VPS13A: variants seen among roughly 807,000 people sequenced by gnomAD.
VPS13A encodes intermembrane lipid transfer protein VPS13A.
In VPS13A, 264 loss-of-function variants were observed where a neutral mutation model predicts 390.9. That is an observed-to-expected ratio of 0.68 (90% CI 0.61 to 0.75). VPS13A has a LOEUF of 0.75. Among genes scored for constraint, VPS13A ranks in the 30% least tolerant of loss-of-function variants. The pLI is 0.00. For missense variants in VPS13A, 3,409 were observed against 3,733.9 expected, an observed-to-expected ratio of 0.91 and a Z score of 2.27; for synonymous variants, 1,231 against 1,227.1, an observed-to-expected ratio of 1.00 and a Z score of -0.07.
At chr9:77,184,011 TC>T (rs2131052091) in intron 1 of VPS13A, among the ~76,000 whole-genome samples, 1 of 152,354 alleles carries the variant, frequency 6.6e-6, no homozygotes, top group Admixed American at 6.5e-5. Context: ...GCTCATTTCC[TC>T]CTAAATACTT....
intron 51 of VPS13A, among the ~76,000 whole-genome samples, 200 bp downstream of exon 51, chr9:77,344,481 G>A (rs1236196807): frequency 6.6e-6 from 1 of 152,128 alleles, no homozygotes; most frequent in Non-Finnish European, 1.5e-5. Context: ...GTTGGGGCCG[G>A]GTGCGGTGGC....
chr9:77,249,363 C>G (rs1235817129), intron 20 of VPS13A, among the ~76,000 whole-genome samples: 2 of 149,716 alleles, frequency 1.3e-5, no homozygotes, highest in Non-Finnish European at 2.9e-5. Context: ...TATAATAGAG[C>G]ATAAGGTTAG....
chr9:77,323,813 C>T (rs1437293456), intron 45 of VPS13A, among the ~76,000 whole-genome samples: 2 of 152,134 alleles, frequency 1.3e-5, no homozygotes, highest in Non-Finnish European at 2.9e-5. Flanking sequence ...GTTTGACTTT[C>T]ATTCAGAAAA....
rs1830590622 is a variant in VPS13A at position 77,337,322 on chromosome 9, A to T, written c.6163A>T (p.Ile2055Phe). 6.2e-7 allele frequency: 1 copy of T among 1,613,114 alleles called. No homozygotes were observed. The highest frequency in any genetic ancestry group is 1.1e-5 in the South Asian group (1 of 90,976). ...GTGTGAAGGAATTGACTTTGAAGAG[A>T]TTATAAAAAATGATGGTGCTCTTCT... ...QMCEGIDFEE[I>F]IKNDGALLKK... is the part of the protein sequence containing the mutation. Residue 2055 changes from isoleucine (I) to phenylalanine (F), a missense_variant, in exon 47 of 72, where the codon ATT (isoleucine) becomes TTT (phenylalanine). This residue lies in a region of VPS13A where 2,717 missense variants were observed against 2,917.4 expected (regional missense o/e 0.93). Transcript: ENST00000360280.
At chr9:77,381,139 T>G (rs1380877398) in intron 67 of VPS13A, among the ~76,000 whole-genome samples, 2 of 152,162 alleles carry the variant, frequency 1.3e-5, no homozygotes, top group Non-Finnish European at 2.9e-5. Context: ...GTGGTATGTG[T>G]TTTTTGGTTT....
At position 77,220,088 on chromosome 9, in the gene VPS13A, T is replaced by G; in HGVS notation, c.882+7T>G. On this transcript the variant is annotated splice_region_variant and intron_variant, in intron 11 of 71. Coordinates refer to ENST00000360280, the MANE Select transcript of VPS13A (RefSeq NM_033305.3). Reference sequence around the variant, plus strand: ...TGAATTTAATAAACCACAGGTGATTTTCTTTAATATAATTTTCAATTGTGA... The same window carrying G: ...TGAATTTAATAAACCACAGGTGATTGTCTTTAATATAATTTTCAATTGTGA... 6.3e-7 allele frequency: 1 copy of G among 1,598,036 alleles called. No individual in the cohort carries two copies. Among genetic ancestry groups the G allele is most frequent in the South Asian group, 1.1e-5 (1 of 89,410 alleles).
chr9:77,366,793 C>T lies in VPS13A; in HGVS notation c.8392C>T (p.Leu2798=), dbSNP rs2131580311. 2 of 1,613,218 alleles carry T rather than the reference C, an allele frequency of 1.2e-6. No individual in the cohort carries two copies. The highest frequency in any genetic ancestry group is 3.3e-5 in the Admixed American group (2 of 59,994). ...EAKDSKQNGG[L]IPVHSLNLLL... ...TAAAGATTCAAAACAAAATGGAGGA[C>T]TGATTCCAGTTCATTCTTTAAATCT... The change falls in exon 61 of 72, where the codon CTG becomes TTG. Residue 2798 remains leucine (L), a synonymous_variant. Coordinates refer to ENST00000360280, the MANE Select transcript of VPS13A (RefSeq NM_033305.3).
chr9:77,193,664 T>C (rs376832843), intron 1 of VPS13A, among the ~76,000 whole-genome samples: 1 of 152,162 alleles, frequency 6.6e-6, no homozygotes, highest in South Asian at 2.1e-4. Context: ...ATAAGAACCA[T>C]TGCTGGGGAG....
intron 17 of VPS13A, among the ~76,000 whole-genome samples, chr9:77,229,158 A>C (rs1292622308): frequency 6.6e-6 from 1 of 151,992 alleles, no homozygotes; most frequent in Non-Finnish European, 1.5e-5. Flanking sequence ...GGCTCACTGC[A>C]GTCTCTGCTT....
intron 19 of VPS13A, among the ~76,000 whole-genome samples, chr9:77,242,306 A>G (rs55905941): frequency 0.08 from 12,131 of 152,170 alleles, 600 homozygotes; most frequent in East Asian, 0.12. Flanking sequence ...TCACATTTTG[A>G]TAAGACCTTC....
chr9:77,335,360 A>T (rs1830482713), intron 46 of VPS13A, among the ~76,000 whole-genome samples: 3 of 152,192 alleles, frequency 2.0e-5, no homozygotes, highest in African/African-American at 7.2e-5. Flanking sequence ...GACAAATGGG[A>T]TCTAATTAAA....
intron 59 of VPS13A, among the ~76,000 whole-genome samples, chr9:77,361,170 G>C (rs1201566534): frequency 2.0e-5 from 3 of 152,006 alleles, no homozygotes; most frequent in African/African-American, 7.2e-5. Flanking sequence ...TAAAAGATAG[G>C]GTTCAATGAC....
intron 5 of VPS13A, among the ~76,000 whole-genome samples, chr9:77,207,081 T>C (rs1468683027): frequency 1.3e-5 from 2 of 148,464 alleles, no homozygotes; most frequent in Admixed American, 6.7e-5. Flanking sequence ...ATAATATATA[T>C]ACATAGCTTT....
intron 5 of VPS13A, among the ~76,000 whole-genome samples, chr9:77,207,117 C>T (rs558419211): frequency 3.6e-5 from 5 of 140,024 alleles, no homozygotes; most frequent in African/African-American, 1.0e-4. Flanking sequence ...TTATAGTGTC[C>T]GGATTAAAAA....
intron 10 of VPS13A, among the ~76,000 whole-genome samples, chr9:77,215,186 A>C (rs1231613525): frequency 6.6e-6 from 1 of 152,218 alleles, no homozygotes; most frequent in Non-Finnish European, 1.5e-5. Context: ...TGATAAGGGC[A>C]CTTAATAAAA....
In VPS13A at chr9:77,212,979, A is replaced by C; in HGVS notation, c.566A>C (p.Gln189Pro). The part of the protein sequence containing the change: ...LQNLSMQTTD[Q>P]YWVPCLHDET... ...TTTTTTCCTTTTCAGACAACTGATC[A>C]ATACTGGGTTCCATGTTTACATGAT... The change falls in exon 8 of 72, where the codon CAA becomes CCA. Residue 189 changes from glutamine (Q) to proline (P), a missense_variant. Gln to Pro is a moderately conservative substitution (Grantham distance 76, BLOSUM62 -1). Around this residue, in one of 5 missense-constraint regions of VPS13A, gnomAD observed 2,717 missense variants for 2,917.4 expected, o/e 0.93. Transcript: ENST00000360280. 1 of 1,613,982 alleles carries C rather than the reference A, an allele frequency of 6.2e-7. No homozygotes were observed. Among genetic ancestry groups the C allele is most frequent in the Middle Eastern group, 1.7e-4 (1 of 6,060 alleles).
At chr9:77,374,187 A>G (rs1832947902) in intron 67 of VPS13A, among the ~76,000 whole-genome samples, 1 of 152,082 alleles carries the variant, frequency 6.6e-6, no homozygotes, top group Non-Finnish European at 1.5e-5. Context: ...ATCTGCAGGG[A>G]TCTGCAGTGG....
intron 1 of VPS13A, among the ~76,000 whole-genome samples, chr9:77,179,610 C>T (rs1035570093): frequency 1.3e-5 from 2 of 151,506 alleles, no homozygotes; most frequent in Admixed American, 6.6e-5. Flanking sequence ...TAAACATTCA[C>T]GTACGGGTGT....
chr9:77,334,915 G>A (rs371812241), intron 46 of VPS13A, among the ~76,000 whole-genome samples: 2 of 151,908 alleles, frequency 1.3e-5, no homozygotes, highest in East Asian at 3.9e-4. Flanking sequence ...AAGTCTAATT[G>A]TTTCACAGTC....
Sources: gnomAD v4.1 joint callset for allele counts (sites outside exome capture counted in the v4.1 genomes callset) on GRCh38, gnomAD v4.1.1 for gene constraint, gnomAD v4.1.1 regional missense constraint, MANE v1.5 for transcripts, NCBI Gene and HGNC (gene_info 2026-07-23, HGNC 2026-07-21) for gene names.